REV3L: variants seen among roughly 807,000 people sequenced by gnomAD.
REV3L encodes DNA polymerase zeta catalytic subunit.
In REV3L, 69 loss-of-function variants were observed where a neutral mutation model predicts 299.4. That is an observed-to-expected ratio of 0.23 (90% confidence interval 0.19 to 0.28). The LOEUF is 0.28. Ranked by LOEUF, REV3L falls within the 10% of genes least tolerant of loss-of-function variation. The pLI is 1.00. For synonymous variants in REV3L, 1,238 were observed against 1,271.4 expected, an observed-to-expected ratio of 0.97 and a Z score of 0.56; for missense variants, 3,128 against 3,693.8, an observed-to-expected ratio of 0.85 and a Z score of 3.97.
At chr6:111,342,630 T>A (rs1040269476) in intron 21 of REV3L, among the ~76,000 whole-genome samples, 6 of 149,096 alleles carry the variant, frequency 4.0e-5, no homozygotes, top group African/African-American at 9.9e-5. Context: ...ACTGTGCCAC[T>A]GCACTCCAGC....
At chr6:111,320,354 C>G (rs1037289282) in intron 26 of REV3L, among the ~76,000 whole-genome samples, 2 of 152,070 alleles carry the variant, frequency 1.3e-5, no homozygotes, top group Non-Finnish European at 2.9e-5. Flanking sequence ...GCATGAGCCA[C>G]TGCGCCCAGC....
intron 1 of REV3L, among the ~76,000 whole-genome samples, chr6:111,423,256 T>A (rs1234221585): frequency 1.5e-5 from 2 of 134,342 alleles, no homozygotes. Flanking sequence ...AAGCACAAAA[T>A]CCTATGGCTA....
intron 9 of REV3L, among the ~76,000 whole-genome samples, chr6:111,385,586 C>T (rs560398971): frequency 6.6e-6 from 1 of 151,800 alleles, no homozygotes; most frequent in South Asian, 2.1e-4. Flanking sequence ...GTAAACTTGA[C>T]ATTAAAACTG....
At chr6:111,381,922 A>G (rs1780870418) in intron 9 of REV3L, among the ~76,000 whole-genome samples, 1 of 152,166 alleles carries the variant, frequency 6.6e-6, no homozygotes, top group South Asian at 2.1e-4. Flanking sequence ...AAAAATAAAG[A>G]GCTTAGTGTA....
chr6:111,321,365 T>C (rs187456157), intron 26 of REV3L, among the ~76,000 whole-genome samples: 1 of 152,350 alleles, frequency 6.6e-6, no homozygotes, highest in Admixed American at 6.5e-5. Context: ...ACAACATGGA[T>C]AGCCCCTGAA....
At position 111,380,109 on chromosome 6, in the gene REV3L, T is replaced by C; in HGVS notation, c.1327A>G (p.Asn443Asp). 6.2e-7 allele frequency: 1 copy of C among 1,613,728 alleles called. No individual in the cohort carries two copies. Among genetic ancestry groups the C allele is most frequent in the Non-Finnish European group, 8.5e-7 (1 of 1,179,644 alleles). Residue 443 changes from asparagine (N) to aspartate (D), a missense_variant, in exon 11 of 32, where the codon AAT (asparagine) becomes GAT (aspartate). Coordinates refer to ENST00000368802, the MANE Select transcript of REV3L (RefSeq NM_001372078.1). ...MPSPCRSFGN[N>D]KYPQNSDDEE... ...TCATCACTATTTTGTGGATATTTATTATTTCCAAAGGAGCGACATGGTGAT... is the reference window on the plus strand; with the variant it reads ...TCATCACTATTTTGTGGATATTTATCATTTCCAAAGGAGCGACATGGTGAT...
At chr6:111,401,448 T>G (rs1255464743) in intron 4 of REV3L, among the ~76,000 whole-genome samples, 1 of 152,214 alleles carries the variant, frequency 6.6e-6, no homozygotes. Flanking sequence ...TCACATACTT[T>G]GGTTTACTGT....
chr6:111,326,938 T>C (rs1351673220), intron 25 of REV3L, among the ~76,000 whole-genome samples: 1 of 152,190 alleles, frequency 6.6e-6, no homozygotes, highest in African/African-American at 2.4e-5. Flanking sequence ...AAGTTAACAT[T>C]GTACTGTTGC....
intron 13 of REV3L, among the ~76,000 whole-genome samples, chr6:111,371,490 A>T (rs981394108): frequency 6.6e-6 from 1 of 151,978 alleles, no homozygotes; most frequent in African/African-American, 2.4e-5. Context: ...TCCTGGGCTC[A>T]AGTGATTCTC....
At chr6:111,411,253 G>A (rs796595194) in intron 3 of REV3L, among the ~76,000 whole-genome samples, 1 of 152,156 alleles carries the variant, frequency 6.6e-6, no homozygotes, top group East Asian at 1.9e-4. Context: ...CTACTTCTAC[G>A]AACTCTCTAA....
chr6:111,320,348 G>A (rs1356449630), intron 26 of REV3L, among the ~76,000 whole-genome samples: 1 of 152,224 alleles, frequency 6.6e-6, no homozygotes, highest in African/African-American at 2.4e-5. Flanking sequence ...TTACAGGCAT[G>A]AGCCACTGCG....
chr6:111,339,372 A>G (rs902853237), intron 21 of REV3L, among the ~76,000 whole-genome samples: 1 of 152,082 alleles, frequency 6.6e-6, no homozygotes, highest in African/African-American at 2.4e-5. Context: ...TGGCCAAATA[A>G]ACGAAAACAT....
intron 1 of REV3L, among the ~76,000 whole-genome samples, chr6:111,464,336 G>T (rs1791157252): frequency 6.6e-6 from 1 of 152,116 alleles, no homozygotes; most frequent in South Asian, 2.1e-4. Flanking sequence ...TGATTAAAGT[G>T]AACTTGCCAT....
chr6:111,374,845 T>C lies in REV3L; in HGVS notation c.3510A>G (p.Ala1170=). The change falls in exon 13 of 32, where the codon GCA becomes GCG. Residue 1170 remains alanine (A), a synonymous_variant. Coordinates refer to ENST00000368802, the MANE Select transcript of REV3L (RefSeq NM_001372078.1). The stretch of plus-strand genomic sequence containing the variant: ...CTTTTGATTTCTTAATCTGTGCTCT[T>C]GCGCGACTAGTTTTTCCTATACGAG... ...VNSRIGKTSR[A]RAQIKKSKAK... is the part of the protein sequence containing the mutation. 6.2e-7 allele frequency: 1 copy of C among 1,613,908 alleles called. No individual in the cohort carries two copies. Among genetic ancestry groups the C allele is most frequent in the Admixed American group, 1.7e-5 (1 of 59,976 alleles).
Position 111,431,708 on chromosome 6 carries a change from ACT to A in REV3L, c.140-15238_140-15237del. On this transcript the variant is annotated intron_variant, in intron 1 of 31. Transcript: ENST00000368802. Reference sequence around the variant, plus strand: ...ATTCCTTCCCCCGTCATGGAAAACAACTCTGTGGATTTGACAGAAGATACTGA... The same window carrying A: ...ATTCCTTCCCCCGTCATGGAAAACAACTGTGGATTTGACAGAAGATACTGA... 4.2e-6 allele frequency: 4 copies of A among 960,292 alleles called. 1 individual carries two copies. The highest frequency in any genetic ancestry group is 1.7e-6 in the Non-Finnish European group (1 of 599,026). The allele number at this position is 960,292 out of a possible 1,614,324, so 59.5% of individuals were successfully genotyped here.
intron 1 of REV3L, among the ~76,000 whole-genome samples, chr6:111,428,189 C>A (rs940132676): frequency 3.9e-5 from 6 of 152,048 alleles, no homozygotes; most frequent in Admixed American, 2.6e-4. Context: ...AAACAGGGAA[C>A]CATGACCTCA....
In REV3L at chr6:111,415,992, C is replaced by T. The variant is rs186469939; in HGVS notation, c.329+291G>A. Among the ~76,000 whole-genome samples the T allele has an allele frequency of 5.5e-4, 83 of 152,192 alleles. 1 individual carries two copies. Among genetic ancestry groups the T allele is most frequent in the South Asian group, 3.3e-3 (16 of 4,822 alleles). ...CCCAAACGCCTAGAACAGTGCTTAG[C>T]ACATAAAAAGTATTTAAGAAATATT... On this transcript the variant is annotated intron_variant, in intron 2 of 31. Coordinates refer to ENST00000368802, the MANE Select transcript of REV3L (RefSeq NM_001372078.1).
intron 30 of REV3L, chr6:111,309,447 G>C (rs1302699322): frequency 6.5e-6 from 1 of 153,884 alleles, no homozygotes; most frequent in Admixed American, 6.5e-5. Flanking sequence ...CTCTCGGTGT[G>C]CTGTTCTGCT....
chr6:111,470,910 G>A (rs537553629), intron 1 of REV3L, among the ~76,000 whole-genome samples: 1 of 152,280 alleles, frequency 6.6e-6, no homozygotes, highest in Admixed American at 6.5e-5. Context: ...AACTCGGGAG[G>A]TGGAGGTTGC....
Sources: gnomAD v4.1 joint callset for allele counts (sites outside exome capture counted in the v4.1 genomes callset) on GRCh38, gnomAD v4.1.1 for gene constraint, MANE v1.5 for transcripts, NCBI Gene and HGNC (gene_info 2026-07-23, HGNC 2026-07-21) for gene names.